ZFYVE16: variants seen among roughly 807,000 people sequenced by gnomAD.
ZFYVE16 encodes zinc finger FYVE domain-containing protein 16.
Under a neutral mutation model 138.1 loss-of-function variants are expected in ZFYVE16, and 89 were observed. The observed-to-expected ratio is 0.64, with a 90% CI of 0.54 to 0.77. The LOEUF is 0.77. Ranked by LOEUF, ZFYVE16 falls within the 30% of genes least tolerant of loss-of-function variation. The probability of loss-of-function intolerance (pLI) is 0.00; values close to 1 mark genes in which losing one functional copy is unlikely to be tolerated. For synonymous variants in ZFYVE16, 596 were observed against 618.3 expected (o/e 0.96, Z 0.53); for missense variants, 1,793 against 1,786.7 (o/e 1.00, Z -0.06).
chr5:80,416,535 G>A lies in ZFYVE16; in HGVS notation c.-94+8382G>A, dbSNP rs188995004. 6.9e-4 allele frequency among the ~76,000 whole-genome samples: 103 copies of A among 148,630 alleles called. 3 individuals carry two copies. In the East Asian group the frequency reaches 0.018, roughly 26 times the overall value. On this transcript the variant is annotated intron_variant, in intron 1 of 18. Coordinates refer to ENST00000505560, the MANE Select transcript of ZFYVE16 (RefSeq NM_001284236.3). ...CTCCCAAAGTGCTGGGATTACAGGC[G>A]AGAGACACTGCGCCCAGCCGATTTT... is the stretch of plus-strand genomic sequence containing the variant.
chr5:80,440,344 A>G, intron 5 of ZFYVE16: 1 of 1,024,570 alleles, frequency 9.8e-7, no homozygotes. Context: ...CATGTTAATC[A>G]TCTTAATCTA....
chr5:80,434,101 T>G lies in ZFYVE16; in HGVS notation c.-39-8T>G, dbSNP rs765612471. On this transcript the variant is annotated splice_polypyrimidine_tract_variant and splice_region_variant and intron_variant, in intron 2 of 18. Transcript: ENST00000505560. The stretch of plus-strand genomic sequence containing the variant: ...AAATGAAATATTATTATACTTTCTA[T>G]TTTTTAGGCATACAAGAATTAAATT... The G allele has an allele frequency of 6.5e-7, 1 of 1,540,624 alleles. No individual in the cohort carries two copies. The highest frequency in any genetic ancestry group is 8.9e-7 in the Non-Finnish European group (1 of 1,120,066).
intron 12 of ZFYVE16, 127 bp downstream of exon 12, chr5:80,455,901 C>CT: frequency 2.5e-6 from 2 of 805,448 alleles, no homozygotes; most frequent in Non-Finnish European, 3.7e-6. Context: ...CATTCATTTA[C>CT]AATAAATCCT....
chr5:80,477,148 T>TAA, intron 18 of ZFYVE16, 71 bp from the exon 19 acceptor site: 3 of 1,247,290 alleles, frequency 2.4e-6, no homozygotes, highest in Non-Finnish European at 3.3e-6. Flanking sequence ...AATATTTCAC[T>TAA]TATTTTATAT....
intron 15 of ZFYVE16, among the ~76,000 whole-genome samples, chr5:80,461,904 G>A (rs1372969054): frequency 1.3e-5 from 2 of 152,052 alleles, no homozygotes; most frequent in Non-Finnish European, 2.9e-5. Flanking sequence ...CCCAGGAGGT[G>A]GAGGTTGCAG....
chr5:80,432,306 A>G (rs371512341), intron 2 of ZFYVE16, among the ~76,000 whole-genome samples: 1 of 152,206 alleles, frequency 6.6e-6, no homozygotes, highest in African/African-American at 2.4e-5. Context: ...CTGATCTTTG[A>G]CAAACCTGAC....
At chr5:80,469,048 A>T (rs1043554496) in intron 15 of ZFYVE16, among the ~76,000 whole-genome samples, 3 of 150,598 alleles carry the variant, frequency 2.0e-5, no homozygotes, top group Non-Finnish European at 3.0e-5. Flanking sequence ...TGATAATGGA[A>T]TTTGAGATAT....
At chr5:80,471,502 A>G (rs144999658) in intron 15 of ZFYVE16, among the ~76,000 whole-genome samples, 1 of 152,132 alleles carries the variant, frequency 6.6e-6, no homozygotes, top group African/African-American at 2.4e-5. Flanking sequence ...TAATCAAATG[A>G]CCCTAAATCC....
Position 80,449,652 on chromosome 5 carries a change from C to T in ZFYVE16, c.3165C>T (p.Ser1055=). The T allele has an allele frequency of 6.2e-7, 1 of 1,609,660 alleles. No individual in the cohort carries two copies. Among genetic ancestry groups the T allele is most frequent in the Non-Finnish European group, 8.5e-7 (1 of 1,177,956 alleles). ...TCATTTTGCTTCTTGAAGGTGAAAG[C>T]TTTCATCCTGTTACATTTGTCCTAA... ...EQIILLLEGE[S]FHPVTFVLNA... Residue 1055 remains serine (S), a synonymous_variant, in exon 9 of 19, where the codon AGC becomes AGT. Transcript: ENST00000505560.
chr5:80,469,638 CTGTA>C (rs1017401695), intron 15 of ZFYVE16, among the ~76,000 whole-genome samples: 1 of 152,048 alleles, frequency 6.6e-6, no homozygotes, highest in Admixed American at 6.6e-5. Flanking sequence ...GACTCTGTCA[CTGTA>C]TGTGTGTGTG....
chr5:80,439,594 A>G (rs1363005630), intron 4 of ZFYVE16, among the ~76,000 whole-genome samples: 1 of 152,176 alleles, frequency 6.6e-6, no homozygotes, highest in African/African-American at 2.4e-5. Flanking sequence ...TTTTTAACAA[A>G]ATAACATTTT....
chr5:80,437,503 A>G lies in ZFYVE16; in HGVS notation c.818A>G (p.Lys273Arg). 1 of 1,611,958 alleles carries G rather than the reference A, an allele frequency of 6.2e-7. No homozygotes were observed. The highest frequency in any genetic ancestry group is 1.7e-5 in the Admixed American group (1 of 59,200). Residue 273 changes from lysine to arginine, a missense_variant, in exon 4 of 19, where the codon AAA (lysine) becomes AGA (arginine). Lys to Arg is a conservative substitution (Grantham distance 26). This residue lies in a region of ZFYVE16 where 1,295 missense variants were observed against 1,204.3 expected (regional missense o/e 1.08). Transcript: ENST00000505560. ...AAGAGCCAGCCATGTGGATTACTAA[A>G]AGATGTTGGCTTAGTAAAAGAGGAA... ...QHKSQPCGLL[K>R]DVGLVKEEVD...
At chr5:80,459,103 T>G (rs920719600) in intron 14 of ZFYVE16, among the ~76,000 whole-genome samples, 2 of 152,146 alleles carry the variant, frequency 1.3e-5, no homozygotes, top group African/African-American at 2.4e-5. Context: ...AATTTTTGTA[T>G]TTTTAGTAGA....
At chr5:80,435,971 A>G (rs1323973876) in intron 3 of ZFYVE16, 1 of 206,074 alleles carries the variant, frequency 4.9e-6, no homozygotes, top group Non-Finnish European at 1.0e-5. Context: ...AAATAAAAAT[A>G]GCTTTGGGTT....
chr5:80,478,686 C>G lies in ZFYVE16; in HGVS notation c.*1309C>G, dbSNP rs1401139204. ...TAAGAAAAATATTTATGAAGCATCT[C>G]AACTTGAAGATCAAGTCAAAGTTAT... On this transcript the variant is annotated 3_prime_UTR_variant, in exon 19 of 19. Transcript: ENST00000505560. 1.3e-5 allele frequency: 2 copies of G among 152,034 alleles called. No homozygotes were observed. The highest frequency in any genetic ancestry group is 4.8e-5 in the African/African-American group (2 of 41,402). The allele number at this position is 152,034 out of a possible 1,614,324, so 9.4% of individuals were successfully genotyped here. A position where few individuals can be genotyped will look rare whatever the true frequency, so the allele number is the denominator to read the frequency against.
At chr5:80,459,834 A>G (rs1054684709) in intron 15 of ZFYVE16, among the ~76,000 whole-genome samples, 3 of 152,194 alleles carry the variant, frequency 2.0e-5, no homozygotes, top group African/African-American at 7.2e-5. Flanking sequence ...CCCTATTTTC[A>G]TACAACATGA....
chr5:80,446,093 A>G (rs941020054), intron 7 of ZFYVE16, among the ~76,000 whole-genome samples: 7 of 151,856 alleles, frequency 4.6e-5, no homozygotes, highest in African/African-American at 1.7e-4. Flanking sequence ...ACGAGGTTTC[A>G]CCGTGTTGGC....
At chr5:80,439,489 A>G (rs1366451030) in intron 4 of ZFYVE16, among the ~76,000 whole-genome samples, 2 of 152,154 alleles carry the variant, frequency 1.3e-5, no homozygotes, top group Non-Finnish European at 2.9e-5. Context: ...AGATAAAAAG[A>G]TTGTCTATAA....
chr5:80,461,132 T>G (rs557104811), intron 15 of ZFYVE16, among the ~76,000 whole-genome samples: 4 of 152,328 alleles, frequency 2.6e-5, no homozygotes, highest in African/African-American at 7.2e-5. Flanking sequence ...CATGACACTC[T>G]ATAGAAGTGC....
Sources: gnomAD v4.1 joint callset for allele counts (sites outside exome capture counted in the v4.1 genomes callset) on GRCh38, gnomAD v4.1.1 for gene constraint, gnomAD v4.1.1 regional missense constraint, MANE v1.5 for transcripts, NCBI Gene and HGNC (gene_info 2026-07-23, HGNC 2026-07-21) for gene names.